The following SYT9 variants were observed in gnomAD, a reference collection of about 807,000 sequenced individuals.
SYT9 encodes the protein synaptotagmin 9.
Under a neutral mutation model 48.4 loss-of-function variants are expected in SYT9, and 22 were observed. The ratio of observed to expected loss-of-function variants is 0.45; its 90% CI spans 0.32 to 0.65. The LOEUF (loss-of-function observed/expected upper bound fraction) is 0.65, where lower values mean the gene tolerates loss of function less well. Among genes scored for constraint, SYT9 ranks in the 30% least tolerant of loss-of-function variants. SYT9 has a pLI of 0.03. For missense variants in SYT9, 577 were observed against 622.0 expected (o/e 0.93, Z 0.77); for synonymous variants, 265 against 245.0 (o/e 1.08, Z -0.76).
chr11:7,362,277 T>C (rs999254755), intron 3 of SYT9, among the ~76,000 whole-genome samples: 1 of 151,952 alleles, frequency 6.6e-6, no homozygotes, highest in Non-Finnish European at 1.5e-5. Context: ...CCTGAGAAGC[T>C]GGGGCTACAG....
intron 1 of SYT9, among the ~76,000 whole-genome samples, chr11:7,293,210 G>A (rs983248719): frequency 1.3e-5 from 2 of 152,184 alleles, no homozygotes; most frequent in Non-Finnish European, 2.9e-5. Flanking sequence ...GCAGCCTTCT[G>A]AGGAAGGAAT....
At chr11:7,357,809 A>G (rs1219347702) in intron 3 of SYT9, among the ~76,000 whole-genome samples, 4 of 152,134 alleles carry the variant, frequency 2.6e-5, no homozygotes, top group Admixed American at 1.3e-4. Flanking sequence ...ATGAAAACCA[A>G]TGTAACCATT....
In SYT9 at chr11:7,415,228, G is replaced by C. The variant is rs116479706; in HGVS notation, c.1045-814G>C. Among the ~76,000 whole-genome samples the C allele has an allele frequency of 5.7e-3, 867 of 152,292 alleles. 5 individuals are homozygous for C. The highest frequency in any genetic ancestry group is 0.019 in the African/African-American group (795 of 41,570). On this transcript the variant is annotated intron_variant, in intron 3 of 6. Transcript: ENST00000318881. ...TCTGTTCTCTCCCTGCAAGGAGGCT[G>C]TGCGGGACTAGGCGAGTACTTGGCT...
intron 3 of SYT9, among the ~76,000 whole-genome samples, chr11:7,339,798 C>G (rs1849684597): frequency 6.6e-6 from 1 of 152,134 alleles, no homozygotes; most frequent in Non-Finnish European, 1.5e-5. Context: ...TTCTTTCTTT[C>G]ATTTCAACCT....
chr11:7,335,818 G>A (rs1272427163), intron 3 of SYT9, among the ~76,000 whole-genome samples: 1 of 152,138 alleles, frequency 6.6e-6, no homozygotes, highest in Non-Finnish European at 1.5e-5. Context: ...ACACATGCAT[G>A]TGTCTTTATG....
chr11:7,353,256 C>G (rs1348487626), intron 3 of SYT9, among the ~76,000 whole-genome samples: 1 of 152,120 alleles, frequency 6.6e-6, no homozygotes, highest in East Asian at 1.9e-4. Context: ...GTGTCCTCCC[C>G]TGAGGCTTCT....
At chr11:7,400,784 C>A (rs1161655624) in intron 3 of SYT9, among the ~76,000 whole-genome samples, 1 of 152,026 alleles carries the variant, frequency 6.6e-6, no homozygotes, top group East Asian at 1.9e-4. Context: ...CCTCCTAGTC[C>A]CTCAACTGCT....
intron 6 of SYT9, among the ~76,000 whole-genome samples, chr11:7,460,389 A>G (rs1036243512): frequency 3.9e-5 from 6 of 152,200 alleles, no homozygotes; most frequent in African/African-American, 1.4e-4. Flanking sequence ...TAAATTTTTA[A>G]GCATTGTTTA....
chr11:7,333,003 G>C (rs1197382356), intron 3 of SYT9, among the ~76,000 whole-genome samples: 1 of 152,156 alleles, frequency 6.6e-6, no homozygotes, highest in Non-Finnish European at 1.5e-5. Flanking sequence ...CCATGGATTG[G>C]CATTTGCTTG....
At chr11:7,381,529 A>C (rs12361175) in intron 3 of SYT9, among the ~76,000 whole-genome samples, 46,560 of 152,052 alleles carry the variant, frequency 0.31, 8,602 homozygotes, top group Non-Finnish European at 0.42. Flanking sequence ...GAGCAGAAAG[A>C]AGCCAGTTGC....
chr11:7,282,632 A>C (rs562750629), intron 1 of SYT9, among the ~76,000 whole-genome samples: 10 of 152,082 alleles, frequency 6.6e-5, no homozygotes, highest in African/African-American at 2.2e-4. Context: ...AGGTGTCTTC[A>C]GTGGCCATCG....
rs75242946 is a variant in SYT9 at position 7,270,073 on chromosome 11, A to G, written c.145+17742A>G. Among the ~76,000 whole-genome samples, 234 of 152,294 alleles carry G rather than the reference A, an allele frequency of 1.5e-3. 1 individual carries two copies. The highest frequency in any genetic ancestry group is 5.2e-3 in the African/African-American group (217 of 41,556). On this transcript the variant is annotated intron_variant, in intron 1 of 6. Coordinates refer to ENST00000318881, the MANE Select transcript of SYT9 (RefSeq NM_175733.4). ...TAACATTCTTAAAGTGTACTGCTGA[A>G]ATACATTAATTAGTAAGACATTTGA...
At chr11:7,244,911 G>C (rs141181552) in intron 1 of SYT9, among the ~76,000 whole-genome samples, 1 of 152,344 alleles carries the variant, frequency 6.6e-6, no homozygotes, top group Non-Finnish European at 1.5e-5. Context: ...GGCACAGAGA[G>C]AGCAGGAAGT....
chr11:7,253,380 T>G (rs1394551119), intron 1 of SYT9, among the ~76,000 whole-genome samples: 1 of 152,258 alleles, frequency 6.6e-6, no homozygotes, highest in East Asian at 1.9e-4. Flanking sequence ...TTGCAAATTA[T>G]GATGTACGAA....
At chr11:7,308,679 C>A (rs1370352310) in intron 2 of SYT9, among the ~76,000 whole-genome samples, 5 of 152,220 alleles carry the variant, frequency 3.3e-5, no homozygotes, top group Non-Finnish European at 5.9e-5. Context: ...CAGCCAGAGG[C>A]CTTTCTCCCT....
At chr11:7,372,544 C>G (rs899142040) in intron 3 of SYT9, among the ~76,000 whole-genome samples, 2 of 152,040 alleles carry the variant, frequency 1.3e-5, no homozygotes, top group Admixed American at 1.3e-4. Context: ...TCTTAAAATT[C>G]TTTTGTAGAG....
intron 3 of SYT9, among the ~76,000 whole-genome samples, chr11:7,329,124 A>G (rs912900808): frequency 6.6e-6 from 1 of 152,174 alleles, no homozygotes; most frequent in Non-Finnish European, 1.5e-5. Flanking sequence ...ATCTCTTTGC[A>G]TATTGTCTCT....
At chr11:7,267,214 T>C (rs956496385) in intron 1 of SYT9, among the ~76,000 whole-genome samples, 1 of 152,102 alleles carries the variant, frequency 6.6e-6, no homozygotes, top group African/African-American at 2.4e-5. Flanking sequence ...ATTAGAATTA[T>C]GTTGGAGACT....
chr11:7,422,615 G>T (rs12799687), intron 6 of SYT9, among the ~76,000 whole-genome samples: 73,591 of 152,070 alleles, frequency 0.48, 19,900 homozygotes, highest in Non-Finnish European at 0.6. Context: ...AATTCTTATT[G>T]GTAATTAGGA....
Sources: allele counts gnomAD v4.1 joint callset (sites outside exome capture counted in the v4.1 genomes callset), GRCh38; gene constraint gnomAD v4.1.1; transcripts MANE v1.5; gene names NCBI Gene and HGNC (gene_info 2026-07-23, HGNC 2026-07-21).